The following DHX37 variants were observed in gnomAD, a reference collection of about 807,000 sequenced individuals.
The protein encoded by DHX37 is DEAH-box helicase 37.
In DHX37, 52 loss-of-function variants were observed where a neutral mutation model predicts 134.3. That is an observed-to-expected ratio of 0.39 (90% CI 0.31 to 0.49). The LOEUF is 0.49. Ranked by LOEUF, DHX37 falls within the 20% of genes least tolerant of loss-of-function variation. DHX37 has a pLI of 0.93. For missense variants in DHX37, 1,344 were observed against 1,580.8 expected, an observed-to-expected ratio of 0.85 and a Z score of 2.54; for synonymous variants, 634 against 670.7, an observed-to-expected ratio of 0.95 and a Z score of 0.85.
chr12:124,984,625 CAAG>C, intron 2 of DHX37, among the ~76,000 whole-genome samples: 1 of 151,258 alleles, frequency 6.6e-6, no homozygotes, highest in East Asian at 1.9e-4. Flanking sequence ...GAAAAAAAAA[CAAG>C]AAAAGGGTGA....
rs376470858 is a variant in DHX37, at chr12:124,980,723, A to ACTC, written c.502_504dup (p.Glu168dup). ...GACTCCTCCTCCAGCTCCGATTCCG[A>ACTC]CTCCTCCTCCTCCTCCTCCTCCTCC... On this transcript the variant is annotated inframe_insertion, in exon 4 of 27. Transcript: ENST00000308736. The surrounding 1 kb of genome is among the most constrained non-coding windows in gnomAD (Gnocchi z 5.3). 1.3e-3 allele frequency: 2,024 copies of ACTC among 1,533,500 alleles called. 6 individuals are homozygous for ACTC. The Middle Eastern group carries it at 0.014, about 11-fold the overall frequency. 95.0% of individuals were successfully genotyped at this position (1,533,500 alleles called of 1,614,324 possible).
At chr12:124,954,056 C>G (rs370825217) in intron 19 of DHX37, 31 bp downstream of exon 19, 2 of 1,607,578 alleles carry the variant, frequency 1.2e-6, no homozygotes, top group African/African-American at 1.3e-5. Context: ...GGGTGACCCT[C>G]CCGCCACCCT....
rs774485225 is a variant in DHX37 at position 124,953,909 on chromosome 12, C to T, written c.2666G>A (p.Arg889Gln). 74 of 1,612,038 alleles carry T rather than the reference C, an allele frequency of 4.6e-5. No individual in the cohort carries two copies. The highest frequency in any genetic ancestry group is 3.3e-4 in the Middle Eastern group (2 of 6,052). The change falls in exon 20 of 27, where the codon CGG (arginine) becomes CAG (glutamine). Residue 889 changes from arginine to glutamine, a missense_variant. Transcript: ENST00000308736. Reference sequence around the variant, plus strand: ...GGTGGTCAGCTGGCCCCGCAGGCGCCGGATCTCCATCATGGCTTTGTACCG... The same window carrying T: ...GGTGGTCAGCTGGCCCCGCAGGCGCTGGATCTCCATCATGGCTTTGTACCG... ...GLRYKAMMEI[R>Q]RLRGQLTTAV... is the part of the protein sequence containing the mutation.
chr12:124,982,919 T>C (rs6488967), intron 2 of DHX37, among the ~76,000 whole-genome samples: 118,831 of 152,012 alleles, frequency 0.78, 47,133 homozygotes, highest in East Asian at 0.92. Context: ...TAAAGCACAG[T>C]TCAGTCATGT....
At chr12:124,984,540 T>C (rs1954827108) in intron 2 of DHX37, among the ~76,000 whole-genome samples, 1 of 149,298 alleles carries the variant, frequency 6.7e-6, no homozygotes, top group African/African-American at 2.5e-5. Context: ...TCTCAAAAAA[T>C]AATAAAATAA....
At chr12:124,985,777 G>T (rs1406361770) in intron 2 of DHX37, among the ~76,000 whole-genome samples, 2 of 145,766 alleles carry the variant, frequency 1.4e-5, no homozygotes, top group African/African-American at 5.1e-5. Context: ...CAGAAAAGAT[G>T]TCGGGGGTGG....
Position 124,957,117 on chromosome 12 carries a change from G to T in DHX37, c.2176C>A (p.Pro726Thr). ...AGGGCTTCCACGGAGGGGGGCGTCG[G>T]GAAGGGGAAGTTGATGACCTGGGAC... ...NVEKVINFPF[P>T]TPPSVEALLA... Residue 726 changes from proline to threonine, a missense_variant, in exon 17 of 27, where the codon CCG becomes ACG. Physicochemically the swap from Pro to Thr is conservative, Grantham distance 38. Coordinates refer to ENST00000308736, the MANE Select transcript of DHX37 (RefSeq NM_032656.4). 1 of 1,497,996 alleles carries T rather than the reference G, an allele frequency of 6.7e-7. No homozygotes were observed. The highest frequency in any genetic ancestry group is 1.4e-5 in the African/African-American group (1 of 69,486). The allele number at this position is 1,497,996 out of a possible 1,614,324, so 92.8% of individuals were successfully genotyped here.
chr12:124,950,168 C>T lies in DHX37; in HGVS notation c.3197G>A (p.Arg1066Gln), dbSNP rs748556352. Residue 1066 changes from arginine (R) to glutamine (Q), a missense_variant, in exon 24 of 27, where the codon CGG (arginine) becomes CAG (glutamine). Arg to Gln is a conservative substitution (Grantham distance 43). Coordinates refer to ENST00000308736, the MANE Select transcript of DHX37 (RefSeq NM_032656.4). Reference sequence around the variant, plus strand: ...ACCTACCTGCCCTTCCAGCAGGAACCGGGCAAAGTGCTTGTAGCGGTCAAT... The same window carrying T: ...ACCTACCTGCCCTTCCAGCAGGAACTGGGCAAAGTGCTTGTAGCGGTCAAT... Reference protein sequence around the residue: ...EGIDRYKHFARFLLEGQVFRK... With the variant: ...EGIDRYKHFAQFLLEGQVFRK... The T allele has an allele frequency of 5.0e-6, 8 of 1,613,962 alleles. No individual in the cohort carries two copies. The highest frequency in any genetic ancestry group is 2.7e-5 in the African/African-American group (2 of 74,950).
chr12:124,966,601 C>T (rs556806249), intron 12 of DHX37, among the ~76,000 whole-genome samples, 192 bp downstream of exon 12: 12 of 151,976 alleles, frequency 7.9e-5, no homozygotes, highest in Non-Finnish European at 1.5e-4. Flanking sequence ...AGGCCTCAAG[C>T]GATCCTCCCA....
intron 15 of DHX37, among the ~76,000 whole-genome samples, chr12:124,963,617 C>G (rs1373319596): frequency 6.6e-6 from 1 of 151,770 alleles, no homozygotes; most frequent in East Asian, 1.9e-4. Context: ...CGCCTGTGAT[C>G]CCAACACTTT....
chr12:124,977,110 T>C (rs184526519), intron 5 of DHX37, among the ~76,000 whole-genome samples: 74 of 151,300 alleles, frequency 4.9e-4, no homozygotes, highest in Non-Finnish European at 8.0e-4. Flanking sequence ...AGGAATTAAG[T>C]GTGCTACGCA....
chr12:124,987,367 G>A (rs981464018), intron 1 of DHX37, among the ~76,000 whole-genome samples: 3 of 152,134 alleles, frequency 2.0e-5, no homozygotes, highest in Non-Finnish European at 2.9e-5. Flanking sequence ...ATAAAAGAAG[G>A]TAATCTGAGT....
intron 18 of DHX37, 61 bp downstream of exon 18, chr12:124,956,630 C>G: frequency 6.8e-7 from 1 of 1,467,508 alleles, no homozygotes; most frequent in Non-Finnish European, 9.0e-7. Flanking sequence ...CTGGGACTCT[C>G]AGCCCAGAGC....
chr12:124,973,576 TTGGGTACC>T (rs1404981464), intron 6 of DHX37, among the ~76,000 whole-genome samples: 1 of 150,944 alleles, frequency 6.6e-6, no homozygotes, highest in Non-Finnish European at 1.5e-5. Context: ...CAACTGGGTC[TTGGGTACC>T]TGGGGGCTCA....
At chr12:124,951,191 G>C (rs1953971182) in intron 21 of DHX37, among the ~76,000 whole-genome samples, 1 of 151,436 alleles carries the variant, frequency 6.6e-6, no homozygotes, top group East Asian at 1.9e-4. Flanking sequence ...TGAGGCAGGA[G>C]AATTGCTTGA....
intron 12 of DHX37, 25 bp downstream of exon 12, chr12:124,966,768 G>T (rs1383041936): frequency 6.2e-7 from 1 of 1,612,764 alleles, no homozygotes; most frequent in Middle Eastern, 1.7e-4. Context: ...TACTCTCCAG[G>T]AGTCCCTGCC....
At chr12:124,955,950 T>G (rs764705064) in intron 18 of DHX37, among the ~76,000 whole-genome samples, 25 of 152,080 alleles carry the variant, frequency 1.6e-4, no homozygotes, top group Non-Finnish European at 3.7e-4. Context: ...TGGTGGAGGA[T>G]AAACAAAGAA....
intron 11 of DHX37, 86 bp from the exon 12 acceptor site, chr12:124,966,964 A>G: frequency 1.3e-6 from 2 of 1,573,916 alleles, no homozygotes; most frequent in South Asian, 1.1e-5. Flanking sequence ...AGGCATGGCC[A>G]CTCAGTGGTG....
chr12:124,969,961 G>A (rs1015133122), intron 8 of DHX37, among the ~76,000 whole-genome samples: 2 of 151,922 alleles, frequency 1.3e-5, no homozygotes, highest in Non-Finnish European at 2.9e-5. Flanking sequence ...AACCATAAAA[G>A]GCACAGCGTT....
Sources: gnomAD v4.1 joint callset for allele counts (sites outside exome capture counted in the v4.1 genomes callset) on GRCh38, gnomAD v4.1.1 for gene constraint, Gnocchi (gnomAD v3.1) non-coding constraint, MANE v1.5 for transcripts, NCBI Gene and HGNC (gene_info 2026-07-23, HGNC 2026-07-21) for gene names.